ABTB3: variants seen among roughly 807,000 people sequenced by gnomAD.
ABTB3 encodes the protein ankyrin repeat and BTB domain containing 3, also known as ankyrin repeat- and BTB/POZ domain-containing protein 3.
the ABTB3 span, among the ~76,000 whole-genome samples, chr12:107,562,532 T>G: frequency 2.0e-5 from 3 of 152,010 alleles, no homozygotes; most frequent in African/African-American, 7.2e-5. Context: ...AGTAAGTGAG[T>G]GGGGAGTGTG....
the ABTB3 span, among the ~76,000 whole-genome samples, chr12:107,505,432 A>T: frequency 6.6e-6 from 1 of 152,150 alleles, no homozygotes; most frequent in East Asian, 1.9e-4. Context: ...TCTCAACGAC[A>T]TCTGGAGATG....
the ABTB3 span, among the ~76,000 whole-genome samples, chr12:107,583,180 T>A: frequency 6.6e-6 from 1 of 152,186 alleles, no homozygotes. Context: ...AGTAGGATAA[T>A]GAACGTGCAG....
At chr12:107,358,841 C>G in the ABTB3 span, among the ~76,000 whole-genome samples, 698 of 152,298 alleles carry the variant, frequency 4.6e-3, 2 homozygotes, top group African/African-American at 0.011. Context: ...ATTCACCCTC[C>G]TCGCCTTCCC....
chr12:107,520,212 G>T, the ABTB3 span: 1 of 985,306 alleles, frequency 1.0e-6, no homozygotes, highest in Admixed American at 6.1e-5. Flanking sequence ...GGCCCGAGGA[G>T]AGGATTCTGT....
the ABTB3 span, among the ~76,000 whole-genome samples, chr12:107,409,312 A>T: frequency 1.3e-5 from 2 of 152,240 alleles, no homozygotes; most frequent in Non-Finnish European, 2.9e-5. Context: ...CTGTGGAGAA[A>T]TAGGAACGCT....
the ABTB3 span, among the ~76,000 whole-genome samples, chr12:107,654,813 TATACACACAC>T: frequency 6.3e-4 from 61 of 96,076 alleles, no homozygotes; most frequent in African/African-American, 3.3e-3. Flanking sequence ...GTCTACATTG[TATACACACAC>T]ACACACACAC....
the ABTB3 span, among the ~76,000 whole-genome samples, chr12:107,556,732 C>T: frequency 1.6e-4 from 25 of 152,002 alleles, 1 homozygote; most frequent in South Asian, 3.3e-3. Flanking sequence ...AATAGTGGGC[C>T]GGGCATGGTG....
At chr12:107,605,303 A>G in the ABTB3 span, among the ~76,000 whole-genome samples, 1 of 152,242 alleles carries the variant, frequency 6.6e-6, no homozygotes, top group African/African-American at 2.4e-5. Context: ...CTGGCATGCT[A>G]TTGGAAGAAA....
chr12:107,531,859 A>G, the ABTB3 span, among the ~76,000 whole-genome samples: 1 of 152,126 alleles, frequency 6.6e-6, no homozygotes, highest in Non-Finnish European at 1.5e-5. Context: ...GACTCAGCTA[A>G]CATCTCCCAC....
chr12:107,334,683 G>A, the ABTB3 span, among the ~76,000 whole-genome samples: 1 of 152,124 alleles, frequency 6.6e-6, no homozygotes, highest in Non-Finnish European at 1.5e-5. Context: ...GCATGTGGAT[G>A]ATATTTCAAA....
At chr12:107,385,441 G>A in the ABTB3 span, among the ~76,000 whole-genome samples, 1 of 152,274 alleles carries the variant, frequency 6.6e-6, no homozygotes, top group Non-Finnish European at 1.5e-5. Flanking sequence ...GCTGAGAGCA[G>A]TGCCTGGTGT....
chr12:107,321,461 G>A, the ABTB3 span, among the ~76,000 whole-genome samples: 1 of 152,164 alleles, frequency 6.6e-6, no homozygotes, highest in Non-Finnish European at 1.5e-5. Flanking sequence ...GGGAAGGAAG[G>A]AGCAAAGCGG....
At chr12:107,656,783 T>C in the ABTB3 span, among the ~76,000 whole-genome samples, 1 of 152,216 alleles carries the variant, frequency 6.6e-6, no homozygotes, top group Admixed American at 6.5e-5. Flanking sequence ...CAGAATCAGA[T>C]AGGCAACTCG....
At chr12:107,461,157 T>G in the ABTB3 span, among the ~76,000 whole-genome samples, 1 of 152,144 alleles carries the variant, frequency 6.6e-6, no homozygotes, top group African/African-American at 2.4e-5. Flanking sequence ...CTTGTGAGAC[T>G]TGTTCACTAC....
the ABTB3 span, among the ~76,000 whole-genome samples, chr12:107,563,121 A>C: frequency 6.6e-6 from 1 of 152,180 alleles, no homozygotes; most frequent in South Asian, 2.1e-4. Flanking sequence ...GTTCTCATTA[A>C]ATCTTAATTA....
At chr12:107,447,120 A>G in the ABTB3 span, among the ~76,000 whole-genome samples, 57 of 152,254 alleles carry the variant, frequency 3.7e-4, no homozygotes, top group African/African-American at 1.0e-3. Context: ...AAAATAAAAC[A>G]GGCGGAGGCC....
At chr12:107,506,900 C>T in the ABTB3 span, among the ~76,000 whole-genome samples, 1 of 152,132 alleles carries the variant, frequency 6.6e-6, no homozygotes, top group Non-Finnish European at 1.5e-5. Context: ...ATAGGGGTTA[C>T]CTCTGGAGAG....
At chr12:107,340,761 A>T in the ABTB3 span, among the ~76,000 whole-genome samples, 1 of 152,334 alleles carries the variant, frequency 6.6e-6, no homozygotes, top group Middle Eastern at 3.4e-3. Flanking sequence ...CCTCCTGGGA[A>T]ATTCACCAGA....
the ABTB3 span, among the ~76,000 whole-genome samples, chr12:107,375,744 C>G: frequency 6.6e-6 from 1 of 152,208 alleles, no homozygotes; most frequent in Non-Finnish European, 1.5e-5. Flanking sequence ...GATCCCCTCC[C>G]TTCCACCTCC....
Sources: gnomAD v4.1 joint callset for allele counts (sites outside exome capture counted in the v4.1 genomes callset) on GRCh38, gnomAD v4.1.1 for gene constraint, MANE v1.5 for transcripts, NCBI Gene and HGNC (gene_info 2026-07-23, HGNC 2026-07-21) for gene names.